Variants in PTPRJ observed in about 807,000 individuals in gnomAD.
PTPRJ encodes receptor-type tyrosine-protein phosphatase eta.
Under a neutral mutation model 141.3 loss-of-function variants are expected in PTPRJ, and 129 were observed. The observed-to-expected ratio is 0.91, with a 90% confidence interval of 0.79 to 1.06. The LOEUF (loss-of-function observed/expected upper bound fraction) is 1.06, where lower values mean the gene tolerates loss of function less well. Ranked by LOEUF, PTPRJ falls within the 50% of genes least tolerant of loss-of-function variation. PTPRJ has a pLI of 0.00. For missense variants in PTPRJ, 1,601 were observed against 1,679.7 expected (o/e 0.95, Z 0.82); for synonymous variants, 610 against 640.5 (o/e 0.95, Z 0.72).
At chr11:48,017,678 C>G (rs902764076) in intron 1 of PTPRJ, among the ~76,000 whole-genome samples, 1 of 152,176 alleles carries the variant, frequency 6.6e-6, no homozygotes. Context: ...GCTCTCTGCT[C>G]TTCTACCTGC....
intron 1 of PTPRJ, among the ~76,000 whole-genome samples, chr11:48,077,093 C>T (rs1345922527): frequency 3.3e-5 from 5 of 152,014 alleles, no homozygotes; most frequent in South Asian, 2.1e-4. Flanking sequence ...CTTGAACTCC[C>T]GACCTCAGGT....
At chr11:48,135,584 C>T (rs542456822) in intron 8 of PTPRJ, among the ~76,000 whole-genome samples, 6 of 145,604 alleles carry the variant, frequency 4.1e-5, no homozygotes, top group South Asian at 4.4e-4. Flanking sequence ...TGGGTTCAAG[C>T]GACTCTTGTG....
intron 1 of PTPRJ, among the ~76,000 whole-genome samples, chr11:48,035,538 CTTTTTTTTTTTTTTTTTTT>C (rs66504227): frequency 1.6e-5 from 1 of 61,740 alleles, no homozygotes; most frequent in Non-Finnish European, 3.0e-5. Flanking sequence ...CTTTCTTCTT[CTTTTTTTTTTTTTTTTTTT>C]TTTTTTTTAG....
chr11:48,112,597 T>C (rs1321656197), intron 2 of PTPRJ, 150 bp from the exon 3 acceptor site: 1 of 654,122 alleles, frequency 1.5e-6, no homozygotes, highest in Non-Finnish European at 2.7e-6. Flanking sequence ...GAGGGGCTCA[T>C]GTTGTAGGTG....
chr11:48,094,330 T>G (rs1855948546), intron 1 of PTPRJ, among the ~76,000 whole-genome samples: 3 of 152,206 alleles, frequency 2.0e-5, no homozygotes, highest in Non-Finnish European at 2.9e-5. Flanking sequence ...CTTATTATCT[T>G]TTTTTAGCGA....
At chr11:48,166,258 T>G (rs1025750387) in intron 24 of PTPRJ, among the ~76,000 whole-genome samples, 5 of 152,046 alleles carry the variant, frequency 3.3e-5, no homozygotes, top group African/African-American at 1.2e-4. Context: ...AGACTCTTTA[T>G]GTACATCTGT....
intron 1 of PTPRJ, among the ~76,000 whole-genome samples, chr11:48,040,609 C>CTTTTTTTTTTTT (rs371103069): frequency 6.8e-6 from 1 of 146,096 alleles, no homozygotes; most frequent in African/African-American, 2.7e-5. Flanking sequence ...TCTTCTTCTT[C>CTTTTTTTTTTTT]TTCTTTTTTT....
At chr11:48,165,832 A>G (rs61915958) in intron 24 of PTPRJ, among the ~76,000 whole-genome samples, 5,114 of 151,826 alleles carry the variant, frequency 0.034, 130 homozygotes, top group Non-Finnish European at 0.052. Context: ...ACTTATTCAT[A>G]TGAAAGCATT....
At chr11:48,148,781 C>A in intron 15 of PTPRJ, among the ~76,000 whole-genome samples, 1 of 152,156 alleles carries the variant, frequency 6.6e-6, no homozygotes, top group East Asian at 1.9e-4. Flanking sequence ...AACTGTATGA[C>A]AGTACCATGA....
chr11:48,110,077 G>T lies in PTPRJ; in HGVS notation c.115+1G>T. On this transcript the variant is annotated splice_donor_variant, in intron 2 of 24. Transcript: ENST00000418331. LOFTEE classifies it high-confidence loss of function. ...TTTCAGATCCTGTGCGCAGGTGGCA[G>T]TGAGTACCCTTTTCCTCTCTATTCT... The T allele has an allele frequency of 6.2e-7, 1 of 1,613,686 alleles. No homozygotes were observed. Among genetic ancestry groups the T allele is most frequent in the Non-Finnish European group, 8.5e-7 (1 of 1,179,608 alleles).
chr11:48,133,612 T>G (rs1857026316), intron 8 of PTPRJ, among the ~76,000 whole-genome samples: 1 of 152,118 alleles, frequency 6.6e-6, no homozygotes, highest in Non-Finnish European at 1.5e-5. Flanking sequence ...CCTATGTATA[T>G]CTCCAAAAGA....
Position 48,153,782 on chromosome 11 carries a change from TG to T in PTPRJ, c.3139-13del, listed in dbSNP as rs1213468319. The T allele has an allele frequency of 1.3e-6, 2 of 1,571,124 alleles. No individual in the cohort carries two copies. The highest frequency in any genetic ancestry group is 1.8e-6 in the Non-Finnish European group (2 of 1,140,924). On this transcript the variant is annotated splice_polypyrimidine_tract_variant and intron_variant, in intron 18 of 24. Transcript: ENST00000418331. ...AGACTAAATAAATGAACACCTCATT[TG>T]TTTTGTTTTCAGGATCTGAAGCTTG...
chr11:48,000,998 TTTTTTTTTA>T (rs1854483578), intron 1 of PTPRJ, among the ~76,000 whole-genome samples: 1 of 147,818 alleles, frequency 6.8e-6, no homozygotes, highest in African/African-American at 2.6e-5. Context: ...TTTTTTTTTT[TTTTTTTTTA>T]AATTTTGAGA....
chr11:48,033,637 C>T lies in PTPRJ; in HGVS notation c.96+52629C>T, dbSNP rs544167499. Reference sequence around the variant, plus strand: ...ATTAACTGTGTGGGTGTGGAAATCCCTCAGAATGATGAGACAGGGAGCAGT... The same window carrying T: ...ATTAACTGTGTGGGTGTGGAAATCCTTCAGAATGATGAGACAGGGAGCAGT... On this transcript the variant is annotated intron_variant, in intron 1 of 24. Transcript: ENST00000418331. Among the ~76,000 whole-genome samples the T allele has an allele frequency of 2.6e-5, 4 of 152,264 alleles. No individual in the cohort carries two copies. In the South Asian group the frequency reaches 8.3e-4, roughly 32 times the overall value.
At chr11:48,032,469 C>G (rs904854076) in intron 1 of PTPRJ, among the ~76,000 whole-genome samples, 2 of 152,172 alleles carry the variant, frequency 1.3e-5, no homozygotes, top group Non-Finnish European at 2.9e-5. Flanking sequence ...GTTAACAAAT[C>G]TAGGCCGGGT....
intron 1 of PTPRJ, among the ~76,000 whole-genome samples, chr11:48,071,757 T>C (rs1855262579): frequency 6.7e-6 from 1 of 148,860 alleles, no homozygotes; most frequent in African/African-American, 2.5e-5. Context: ...TACAGATGCA[T>C]CACGCCCAGC....
intron 1 of PTPRJ, among the ~76,000 whole-genome samples, chr11:48,047,905 G>A (rs1854452437): frequency 6.6e-6 from 1 of 152,102 alleles, no homozygotes; most frequent in Non-Finnish European, 1.5e-5. Context: ...TGCACATGCA[G>A]CCTTCACGTC....
At chr11:48,049,557 A>AAACAAAACAC (rs1555035765) in intron 1 of PTPRJ, among the ~76,000 whole-genome samples, 15 of 149,642 alleles carry the variant, frequency 1.0e-4, no homozygotes, top group African/African-American at 3.8e-4. Flanking sequence ...AAACAAAACA[A>AAACAAAACAC]AACAAAACAA....
chr11:47,994,946 T>G (rs1217652695), intron 1 of PTPRJ, among the ~76,000 whole-genome samples: 1 of 152,214 alleles, frequency 6.6e-6, no homozygotes, highest in Non-Finnish European at 1.5e-5. Flanking sequence ...CGCTCCTTGC[T>G]ATTCTCAGGG....
Sources: gnomAD v4.1 joint callset for allele counts (sites outside exome capture counted in the v4.1 genomes callset) on GRCh38, gnomAD v4.1.1 for gene constraint, MANE v1.5 for transcripts, NCBI Gene and HGNC (gene_info 2026-07-23, HGNC 2026-07-21) for gene names.